Variants in DCLK2 observed in about 807,000 individuals in gnomAD.
The protein encoded by DCLK2 is serine/threonine-protein kinase DCLK2.
Under a neutral mutation model 78.4 loss-of-function variants are expected in DCLK2, and 31 were observed. The observed-to-expected ratio is 0.40, with a 90% confidence interval of 0.30 to 0.53. The LOEUF is 0.53. Ranked by LOEUF, DCLK2 falls within the 20% of genes least tolerant of loss-of-function variation. The pLI is 0.61. For missense variants in DCLK2, 872 were observed against 973.7 expected (o/e 0.90, Z 1.39); for synonymous variants, 407 against 374.9 (o/e 1.09, Z -0.99).
intron 8 of DCLK2, among the ~76,000 whole-genome samples, chr4:150,231,349 C>T (rs1037250153): frequency 2.0e-5 from 3 of 152,238 alleles, no homozygotes; most frequent in Non-Finnish European, 4.4e-5. Context: ...CTTGGACAAG[C>T]ACAGTGCATT....
chr4:150,242,269 G>A (rs1560903689), intron 12 of DCLK2, among the ~76,000 whole-genome samples: 1 of 152,186 alleles, frequency 6.6e-6, no homozygotes, highest in Non-Finnish European at 1.5e-5. Flanking sequence ...TTAGTTCAGG[G>A]CTGGAAATCA....
chr4:150,093,157 A>G (rs529582697), intron 1 of DCLK2, among the ~76,000 whole-genome samples: 6 of 152,366 alleles, frequency 3.9e-5, no homozygotes, highest in Admixed American at 3.3e-4. Flanking sequence ...AAGGAAATTA[A>G]GAAAATTTCA....
At chr4:150,202,736 T>A (rs1739547423) in intron 4 of DCLK2, among the ~76,000 whole-genome samples, 1 of 152,180 alleles carries the variant, frequency 6.6e-6, no homozygotes, top group Non-Finnish European at 1.5e-5. Flanking sequence ...TGAATGACAC[T>A]TTTCATCTAC....
intron 1 of DCLK2, among the ~76,000 whole-genome samples, chr4:150,081,131 A>T (rs1450369936): frequency 6.6e-6 from 1 of 152,236 alleles, no homozygotes; most frequent in Admixed American, 6.5e-5. Context: ...GTTACTCAAC[A>T]TGCCATTGGG....
chr4:150,135,652 G>A (rs575067396), intron 2 of DCLK2, among the ~76,000 whole-genome samples: 10 of 152,322 alleles, frequency 6.6e-5, no homozygotes, highest in Admixed American at 6.5e-4. Flanking sequence ...CCTGAAGAAA[G>A]GATAAGGATT....
At chr4:150,197,423 A>T (rs1232609040) in intron 3 of DCLK2, among the ~76,000 whole-genome samples, 1 of 152,180 alleles carries the variant, frequency 6.6e-6, no homozygotes, top group Non-Finnish European at 1.5e-5. Context: ...TCTGTACTTA[A>T]TTAGCTCCAT....
At chr4:150,150,657 G>A (rs534870725) in intron 2 of DCLK2, among the ~76,000 whole-genome samples, 10 of 152,234 alleles carry the variant, frequency 6.6e-5, no homozygotes, top group Non-Finnish European at 1.2e-4. Context: ...TGGGCTTAAT[G>A]CCCTCTTGCA....
intron 1 of DCLK2, among the ~76,000 whole-genome samples, chr4:150,085,565 C>A (rs1281395073): frequency 6.6e-6 from 1 of 152,166 alleles, no homozygotes; most frequent in East Asian, 1.9e-4. Context: ...AATATTGTTA[C>A]AATGGCAATT....
intron 8 of DCLK2, among the ~76,000 whole-genome samples, chr4:150,229,911 G>C (rs1441660952): frequency 1.3e-5 from 2 of 152,098 alleles, no homozygotes; most frequent in Admixed American, 1.3e-4. Flanking sequence ...ATTTAGTCTA[G>C]AGAGCATTTT....
chr4:150,165,656 A>G (rs751709503), intron 2 of DCLK2, among the ~76,000 whole-genome samples: 5 of 152,368 alleles, frequency 3.3e-5, no homozygotes, highest in Middle Eastern at 3.4e-3. Flanking sequence ...TTAGATTGTT[A>G]GGTTTGTGAG....
intron 1 of DCLK2, among the ~76,000 whole-genome samples, chr4:150,096,392 T>C (rs967404771): frequency 2.0e-5 from 3 of 152,226 alleles, no homozygotes; most frequent in African/African-American, 7.2e-5. Context: ...AGGGATATTC[T>C]GTTAGTGGGT....
At chr4:150,174,466 A>G (rs55803223) in intron 2 of DCLK2, among the ~76,000 whole-genome samples, 14,488 of 152,072 alleles carry the variant, frequency 0.095, 789 homozygotes, top group East Asian at 0.15. Flanking sequence ...AGAAGCGGGG[A>G]CTGCTTTTGA....
rs1735803123 is a variant in DCLK2 at position 150,162,969 on chromosome 4, C to CT, written c.757-30168dup. 2.0e-5 allele frequency among the ~76,000 whole-genome samples: 3 copies of CT among 152,336 alleles called. No individual in the cohort carries two copies. The South Asian group carries it at 6.2e-4, about 32-fold the overall frequency. ...CTATTTAATATGACATTAGAATTGT[C>CT]TAACGAATTGTTGGTACTGAGAATT... On this transcript the variant is annotated intron_variant, in intron 2 of 15. Coordinates refer to ENST00000296550, the MANE Select transcript of DCLK2 (RefSeq NM_001040260.4).
At position 150,248,806 on chromosome 4, in the gene DCLK2, TG is replaced by T. The variant is rs532856977; in HGVS notation, c.1956+425del. On this transcript the variant is annotated intron_variant, in intron 14 of 15. Coordinates refer to ENST00000296550, the MANE Select transcript of DCLK2 (RefSeq NM_001040260.4). The stretch of plus-strand genomic sequence containing the variant: ...CTCTCAGGAGACCTCTTGCTGTTGA[TG>T]GGGAGGCTGAGACAGGATCGCTTCA... 2.0e-5 allele frequency among the ~76,000 whole-genome samples: 3 copies of T among 152,130 alleles called. No individual in the cohort carries two copies. In the South Asian group the frequency reaches 6.3e-4, roughly 32 times the overall value.
chr4:150,165,111 A>C (rs1348303851), intron 2 of DCLK2, among the ~76,000 whole-genome samples: 11 of 152,236 alleles, frequency 7.2e-5, no homozygotes. Context: ...TGAACATTCC[A>C]TATGCCTGTA....
chr4:150,089,166 C>G (rs1729873176), intron 1 of DCLK2, among the ~76,000 whole-genome samples: 2 of 152,194 alleles, frequency 1.3e-5, no homozygotes, highest in Admixed American at 6.5e-5. Flanking sequence ...CTCTCTTCCT[C>G]TAAACATCAT....
At chr4:150,116,502 A>G (rs1345852655) in intron 2 of DCLK2, among the ~76,000 whole-genome samples, 1 of 152,120 alleles carries the variant, frequency 6.6e-6, no homozygotes, top group Non-Finnish European at 1.5e-5. Flanking sequence ...GTCCCTGAGG[A>G]TCAGACCACT....
chr4:150,253,115 A>G (rs553299702), intron 15 of DCLK2: 62 of 446,312 alleles, frequency 1.4e-4, no homozygotes, highest in Middle Eastern at 3.8e-4. Context: ...CATCCTCCTC[A>G]TCCTCCTCAT....
At chr4:150,150,028 A>G (rs1734779324) in intron 2 of DCLK2, among the ~76,000 whole-genome samples, 1 of 152,226 alleles carries the variant, frequency 6.6e-6, no homozygotes, top group African/African-American at 2.4e-5. Context: ...GGGAGTGTGT[A>G]TAGAATATAC....
Sources: gnomAD v4.1 joint callset for allele counts (sites outside exome capture counted in the v4.1 genomes callset) on GRCh38, gnomAD v4.1.1 for gene constraint, MANE v1.5 for transcripts, NCBI Gene and HGNC (gene_info 2026-07-23, HGNC 2026-07-21) for gene names.